Variants in AUTS2 observed in about 807,000 individuals in gnomAD.
AUTS2 encodes the protein activator of transcription and developmental regulator AUTS2.
A neutral mutation model predicts 112.4 loss-of-function variants in AUTS2; 17 were observed. The observed-to-expected ratio is 0.15, with a 90% confidence interval of 0.10 to 0.23. The LOEUF is 0.23. Ranked by LOEUF, AUTS2 falls within the 10% of genes least tolerant of loss-of-function variation. The pLI is 1.00. For missense variants in AUTS2, 1,510 were observed against 1,701.6 expected, an observed-to-expected ratio of 0.89 and a Z score of 1.98; for synonymous variants, 751 against 702.7, an observed-to-expected ratio of 1.07 and a Z score of -1.09.
intron 1 of AUTS2, among the ~76,000 whole-genome samples, chr7:69,642,553 C>G (rs1231484667): frequency 6.6e-6 from 1 of 152,182 alleles, no homozygotes; most frequent in Non-Finnish European, 1.5e-5. Context: ...AGGAACCTGG[C>G]TCCCAGCTCA....
At chr7:70,513,045 T>C (rs1416670792) in intron 5 of AUTS2, among the ~76,000 whole-genome samples, 1 of 152,196 alleles carries the variant, frequency 6.6e-6, no homozygotes, top group Non-Finnish European at 1.5e-5. Context: ...CAAGTGTTGA[T>C]GGACAAAGTG....
intron 1 of AUTS2, among the ~76,000 whole-genome samples, chr7:69,608,696 A>G (rs1455713888): frequency 1.3e-5 from 2 of 152,254 alleles, no homozygotes; most frequent in South Asian, 4.1e-4. Context: ...AATTGCAGTG[A>G]CTTCCACCCA....
intron 2 of AUTS2, among the ~76,000 whole-genome samples, chr7:69,917,284 T>C (rs1795618164): frequency 7.1e-6 from 1 of 140,598 alleles, no homozygotes; most frequent in South Asian, 2.3e-4. Flanking sequence ...ATTCCCTTTT[T>C]TTTTCTTTTT....
At chr7:70,522,508 A>G (rs1244541431) in intron 5 of AUTS2, among the ~76,000 whole-genome samples, 1 of 152,184 alleles carries the variant, frequency 6.6e-6, no homozygotes, top group Non-Finnish European at 1.5e-5. Context: ...CGTTTTGTCC[A>G]TGTATACCCA....
chr7:70,055,581 A>G (rs1363541933), intron 2 of AUTS2, among the ~76,000 whole-genome samples: 1 of 152,198 alleles, frequency 6.6e-6, no homozygotes, highest in Admixed American at 6.5e-5. Context: ...CATGCTGTGG[A>G]CCTTTAGCTT....
At chr7:70,039,391 CT>C (rs373340796) in intron 2 of AUTS2, among the ~76,000 whole-genome samples, 1 of 152,214 alleles carries the variant, frequency 6.6e-6, no homozygotes, top group African/African-American at 2.4e-5. Flanking sequence ...AAGATGCAGT[CT>C]TGCTCTGTTG....
intron 4 of AUTS2, among the ~76,000 whole-genome samples, chr7:70,304,846 C>G (rs913833052): frequency 1.3e-5 from 2 of 149,428 alleles, no homozygotes; most frequent in Non-Finnish European, 3.0e-5. Flanking sequence ...TACCCAAAGG[C>G]TCTATTTCAG....
At chr7:70,529,962 C>A (rs918908089) in intron 5 of AUTS2, among the ~76,000 whole-genome samples, 2 of 152,182 alleles carry the variant, frequency 1.3e-5, no homozygotes, top group Admixed American at 1.3e-4. Context: ...TAAACAGTAG[C>A]TTGCAGTTTC....
intron 2 of AUTS2, among the ~76,000 whole-genome samples, chr7:70,092,849 G>T (rs1219346608): frequency 6.6e-6 from 1 of 152,050 alleles, no homozygotes; most frequent in Non-Finnish European, 1.5e-5. Flanking sequence ...AGCACCACTC[G>T]CGGGGCCCCC....
At chr7:70,067,682 C>T (rs1320103321) in intron 2 of AUTS2, among the ~76,000 whole-genome samples, 1 of 152,022 alleles carries the variant, frequency 6.6e-6, no homozygotes, top group Non-Finnish European at 1.5e-5. Context: ...CCCATCTCTA[C>T]AAATAATTTA....
intron 2 of AUTS2, among the ~76,000 whole-genome samples, chr7:69,954,568 C>G (rs547981866): frequency 6.6e-6 from 1 of 152,204 alleles, no homozygotes; most frequent in South Asian, 2.1e-4. Context: ...CTTGGCCCCC[C>G]AGTTGCTGCG....
At chr7:69,892,352 C>T (rs1212386270) in intron 1 of AUTS2, among the ~76,000 whole-genome samples, 1 of 151,048 alleles carries the variant, frequency 6.6e-6, no homozygotes, top group Non-Finnish European at 1.5e-5. Context: ...TTGTATTGAC[C>T]AGGCTGGTCT....
At position 69,973,790 on chromosome 7, in the gene AUTS2, A is replaced by ATTCTTT. The variant is rs1281767458; in HGVS notation, c.522+74292_522+74293insTTCTTT. On this transcript the variant is annotated intron_variant, in intron 2 of 18. Coordinates refer to ENST00000342771, the MANE Select transcript of AUTS2 (RefSeq NM_015570.4). Reference sequence around the variant, plus strand: ...TGCAAGCCTGGAAAAAGTTCTATTTAGTCAATGTGTATAATTCTTTGTATG... The same window carrying ATTCTTT: ...TGCAAGCCTGGAAAAAGTTCTATTTATTCTTTGTCAATGTGTATAATTCTTTGTATG... Among the ~76,000 whole-genome samples the ATTCTTT allele has an allele frequency of 7.2e-5, 11 of 152,266 alleles. No homozygotes were observed. The East Asian group carries it at 1.7e-3, about 24-fold the overall frequency.
chr7:70,471,541 A>G (rs1797382770), intron 5 of AUTS2, among the ~76,000 whole-genome samples: 1 of 152,164 alleles, frequency 6.6e-6, no homozygotes, highest in African/African-American at 2.4e-5. Flanking sequence ...TTTTTTAACA[A>G]ATATTTTTTG....
intron 11 of AUTS2, among the ~76,000 whole-genome samples, chr7:70,772,756 A>T (rs1790433451): frequency 1.3e-5 from 2 of 152,240 alleles, no homozygotes; most frequent in Non-Finnish European, 2.9e-5. Flanking sequence ...GCAAGGTTAC[A>T]GATATACAGG....
chr7:70,673,076 A>G (rs2129544252), intron 5 of AUTS2, among the ~76,000 whole-genome samples: 1 of 152,346 alleles, frequency 6.6e-6, no homozygotes, highest in African/African-American at 2.4e-5. Flanking sequence ...GGCACTAATC[A>G]GACTTCAGGG....
intron 1 of AUTS2, among the ~76,000 whole-genome samples, chr7:69,822,719 T>C (rs1791053230): frequency 6.6e-6 from 1 of 152,218 alleles, no homozygotes; most frequent in Non-Finnish European, 1.5e-5. Flanking sequence ...CCCAAGATGA[T>C]GGAAGAACAA....
intron 4 of AUTS2, among the ~76,000 whole-genome samples, chr7:70,284,199 C>T (rs903423514): frequency 6.6e-6 from 1 of 152,180 alleles, no homozygotes; most frequent in South Asian, 2.1e-4. Flanking sequence ...TCATGTTTCA[C>T]ATCAATACAT....
chr7:70,396,026 T>G (rs1418180950), intron 4 of AUTS2, among the ~76,000 whole-genome samples: 1 of 152,226 alleles, frequency 6.6e-6, no homozygotes, highest in Non-Finnish European at 1.5e-5. Context: ...CTATCTACAC[T>G]TAATTTTTAA....
Sources: gnomAD v4.1 joint callset for allele counts (sites outside exome capture counted in the v4.1 genomes callset) on GRCh38, gnomAD v4.1.1 for gene constraint, MANE v1.5 for transcripts, NCBI Gene and HGNC (gene_info 2026-07-23, HGNC 2026-07-21) for gene names.